RALGPS1: variants seen among roughly 807,000 people sequenced by gnomAD.
RALGPS1 encodes ras-specific guanine nucleotide-releasing factor RalGPS1.
RALGPS1 carries 19 observed loss-of-function variants against 78.8 expected under a neutral mutation model. That is an observed-to-expected ratio of 0.24 (90% CI 0.17 to 0.35). RALGPS1 has a LOEUF of 0.35. Ranked by LOEUF, RALGPS1 falls within the 10% of genes least tolerant of loss-of-function variation. The pLI, the probability that RALGPS1 is intolerant of heterozygous loss-of-function variation, is 1.00. For missense variants in RALGPS1, 454 were observed against 688.3 expected (o/e 0.66, Z 3.81); for synonymous variants, 228 against 256.3 (o/e 0.89, Z 1.06).
intron 3 of RALGPS1, among the ~76,000 whole-genome samples, chr9:126,969,777 C>T (rs981913157): frequency 1.3e-5 from 2 of 152,210 alleles, no homozygotes; most frequent in Admixed American, 6.5e-5. Flanking sequence ...GGTTTTCTAG[C>T]CTCAGCCGTA....
intron 1 of RALGPS1, among the ~76,000 whole-genome samples, chr9:126,939,955 C>T (rs1057071390): frequency 1.3e-5 from 2 of 152,198 alleles, no homozygotes; most frequent in African/African-American, 4.8e-5. Flanking sequence ...CTAAGGGATA[C>T]GTTTCATTCG....
At chr9:127,166,024 T>G in intron 8 of RALGPS1, 45 bp from the exon 9 acceptor site, 1 of 1,572,136 alleles carries the variant, frequency 6.4e-7, no homozygotes, top group Non-Finnish European at 8.6e-7. Flanking sequence ...TTGTTCTGGT[T>G]TGTGGTAAGC....
Position 126,970,726 on chromosome 9 carries a change from A to C in RALGPS1, c.165+4775A>C, listed in dbSNP as rs2040028044. ...ACCTAAAACAGCTGTGTGAAGTTAGAAAAGGTACTCTGAACCATATTGCCC... is the reference window on the plus strand; with the variant it reads ...ACCTAAAACAGCTGTGTGAAGTTAGCAAAGGTACTCTGAACCATATTGCCC... On this transcript the variant is annotated intron_variant, in intron 3 of 18. Coordinates refer to ENST00000259351, the MANE Select transcript of RALGPS1 (RefSeq NM_014636.3). 1.3e-5 allele frequency among the ~76,000 whole-genome samples: 2 copies of C among 152,190 alleles called. 1 individual carries two copies. Among genetic ancestry groups the C allele is most frequent in the South Asian group, 4.1e-4 (2 of 4,830 alleles).
At position 127,214,966 on chromosome 9, in the gene RALGPS1, T is replaced by G. The variant is rs957531877; in HGVS notation, c.1644+124T>G. The G allele has an allele frequency of 2.7e-6, 4 of 1,468,238 alleles. No homozygotes were observed. In the African/African-American group the frequency reaches 4.4e-5, roughly 16 times the overall value. The allele number at this position is 1,468,238 out of a possible 1,614,324, so 91.0% of individuals were successfully genotyped here. Reference sequence around the variant, plus strand: ...CCATTAGCCACACTCTCAGATACCCTCTTCTGATCAGCATCTTCCCTTGAG... The same window carrying G: ...CCATTAGCCACACTCTCAGATACCCGCTTCTGATCAGCATCTTCCCTTGAG... On this transcript the variant is annotated intron_variant, in intron 18 of 18. Coordinates refer to ENST00000259351, the MANE Select transcript of RALGPS1 (RefSeq NM_014636.3).
intron 1 of RALGPS1, among the ~76,000 whole-genome samples, chr9:126,954,146 C>T (rs1244051175): frequency 1.3e-5 from 2 of 152,190 alleles, no homozygotes; most frequent in East Asian, 1.9e-4. Flanking sequence ...CTTTGTGCTC[C>T]GGTGAACCAC....
intron 8 of RALGPS1, among the ~76,000 whole-genome samples, chr9:127,141,627 A>AAAAAAAAAAAAAAG (rs2057785041): frequency 6.6e-6 from 1 of 150,832 alleles, no homozygotes; most frequent in African/African-American, 2.4e-5. Context: ...AAAAAAAAAA[A>AAAAAAAAAAAAAAG]AAAAAAAAAA....
At chr9:127,206,604 T>C (rs760759577) in intron 14 of RALGPS1, among the ~76,000 whole-genome samples, 11 of 152,242 alleles carry the variant, frequency 7.2e-5, no homozygotes, top group Admixed American at 5.2e-4. Flanking sequence ...TTATGGGAAC[T>C]ACAATTCAAG....
At chr9:126,960,637 C>T (rs1270104564) in intron 1 of RALGPS1, among the ~76,000 whole-genome samples, 2 of 152,110 alleles carry the variant, frequency 1.3e-5, no homozygotes, top group Non-Finnish European at 2.9e-5. Flanking sequence ...ACTTTTTCTT[C>T]TTTTTGAGCT....
At chr9:126,970,332 A>G (rs1195417909) in intron 3 of RALGPS1, among the ~76,000 whole-genome samples, 3 of 152,218 alleles carry the variant, frequency 2.0e-5, no homozygotes, top group Non-Finnish European at 4.4e-5. Flanking sequence ...GCACTGGGGT[A>G]TTTGATAGAC....
intron 14 of RALGPS1, among the ~76,000 whole-genome samples, chr9:127,206,810 A>T (rs1823789558): frequency 6.6e-6 from 1 of 152,112 alleles, no homozygotes; most frequent in East Asian, 1.9e-4. Flanking sequence ...TACCTAGAAA[A>T]TGATGGAGTG....
chr9:127,091,620 T>C lies in RALGPS1; in HGVS notation c.610+22264T>C, dbSNP rs1441895931. 1.9e-6 allele frequency: 3 copies of C among 1,584,128 alleles called. No individual in the cohort carries two copies. The highest frequency in any genetic ancestry group is 2.2e-4 in the Middle Eastern group (1 of 4,476). On this transcript the variant is annotated intron_variant, in intron 8 of 18. Coordinates refer to ENST00000259351, the MANE Select transcript of RALGPS1 (RefSeq NM_014636.3). The surrounding 1 kb of genome is among the most constrained non-coding windows in gnomAD (Gnocchi z 4.3). ...CTGGAGTCAGGGGCTCTGGCTCTGG[T>C]TGACCTCTTTTCCCTACCCTGCACC...
intron 8 of RALGPS1, among the ~76,000 whole-genome samples, chr9:127,133,152 C>T (rs553448260): frequency 1.3e-5 from 2 of 152,254 alleles, no homozygotes; most frequent in African/African-American, 2.4e-5. Context: ...CACAGAGGGG[C>T]AGGGAAGGAG....
intron 8 of RALGPS1, among the ~76,000 whole-genome samples, chr9:127,149,170 C>G (rs1012026815): frequency 6.6e-6 from 1 of 152,236 alleles, no homozygotes; most frequent in Admixed American, 6.5e-5. Context: ...AGAGCCCCAC[C>G]CTGTCCAGGC....
At chr9:126,990,213 C>G (rs2042163973) in intron 4 of RALGPS1, 2 of 577,974 alleles carry the variant, frequency 3.5e-6, no homozygotes, top group East Asian at 6.3e-5. Flanking sequence ...TAAAACCCCT[C>G]TCTCAGGTCA....
intron 8 of RALGPS1, among the ~76,000 whole-genome samples, chr9:127,145,942 GTTAT>G (rs2138856695): frequency 6.6e-6 from 1 of 152,338 alleles, no homozygotes; most frequent in African/African-American, 2.4e-5. Flanking sequence ...TATTCATGCA[GTTAT>G]TTGTTTACTG....
intron 11 of RALGPS1, among the ~76,000 whole-genome samples, chr9:127,175,312 T>A (rs1157883555): frequency 6.6e-6 from 1 of 152,230 alleles, no homozygotes; most frequent in Non-Finnish European, 1.5e-5. Context: ...TCACTTTACC[T>A]GTAATCTTCA....
intron 8 of RALGPS1, among the ~76,000 whole-genome samples, chr9:127,078,928 TTC>T (rs1278936890): frequency 6.6e-6 from 1 of 152,220 alleles, no homozygotes; most frequent in Non-Finnish European, 1.5e-5. Context: ...TCAACACTCC[TTC>T]CTCTGAGGGA....
intron 1 of RALGPS1, among the ~76,000 whole-genome samples, chr9:126,950,723 A>G (rs1236372193): frequency 2.6e-5 from 4 of 152,104 alleles, no homozygotes; most frequent in African/African-American, 9.7e-5. Context: ...GGAAAGATCC[A>G]AAATTGACAC....
chr9:126,949,157 A>G (rs112931252), intron 1 of RALGPS1, among the ~76,000 whole-genome samples: 67 of 151,706 alleles, frequency 4.4e-4, no homozygotes, highest in African/African-American at 1.6e-3. Context: ...ATTTTTTATG[A>G]CTGCATAGTA....
Sources: allele counts gnomAD v4.1 joint callset (sites outside exome capture counted in the v4.1 genomes callset), GRCh38; gene constraint gnomAD v4.1.1; non-coding constraint Gnocchi (gnomAD v3.1); transcripts MANE v1.5; gene names NCBI Gene and HGNC (gene_info 2026-07-23, HGNC 2026-07-21).